Variants in PRAME observed in about 807,000 individuals in gnomAD.
The protein encoded by PRAME is melanoma antigen preferentially expressed in tumors.
PRAME carries 21 observed loss-of-function variants against 32.1 expected under a neutral mutation model. The observed-to-expected ratio is 0.65, with a 90% confidence interval of 0.46 to 0.94. The LOEUF (loss-of-function observed/expected upper bound fraction) is 0.94. Among genes scored for constraint, PRAME ranks in the 40% least tolerant of loss-of-function variants. The pLI, the probability that PRAME is intolerant of heterozygous loss-of-function variation, is 0.00. For synonymous variants in PRAME, 274 were observed against 251.5 expected (o/e 1.09, Z -0.85); for missense variants, 651 against 622.3 (o/e 1.05, Z -0.49).
intron 3 of PRAME, among the ~76,000 whole-genome samples, chr22:22,553,406 A>C (rs2062716826): frequency 1.3e-5 from 2 of 151,998 alleles, no homozygotes; most frequent in African/African-American, 4.8e-5. Flanking sequence ...GGCATTTGTA[A>C]TGGGACTGAG....
At position 22,557,713 on chromosome 22, in the gene PRAME, C is replaced by A. The variant is rs4822124; in HGVS notation, c.-113-133G>T. 0.56 allele frequency: 51,353 copies of A among 91,392 alleles called. 14,732 individuals are homozygous for A. Among genetic ancestry groups the A allele is most frequent in the East Asian group, 0.71 (1,871 of 2,628 alleles). 5.7% of individuals were successfully genotyped at this position (91,392 alleles called of 1,614,324 possible). ...TCCCCGTTTCTCAGTCCTTCCAGGG[C>A]AAAATCTCACGAGATCCAGTGAGGT... On this transcript the variant is annotated intron_variant, in intron 1 of 5. Transcript: ENST00000405655.
rs553930388 is a variant in PRAME at position 22,549,598 on chromosome 22, G to A, written c.953+128C>T. The A allele has an allele frequency of 4.0e-4, 494 of 1,227,222 alleles. 2 individuals are homozygous for A. The highest frequency in any genetic ancestry group is 4.0e-3 in the Middle Eastern group (14 of 3,488). The allele number at this position is 1,227,222 out of a possible 1,614,324, so 76.0% of individuals were successfully genotyped here. ...GCTTGGGGACAGTGGTGAACAAGAC[G>A]TGTTAACTGGTAGTGACTTGCTCAC... On this transcript the variant is annotated intron_variant, in intron 5 of 5. Coordinates refer to ENST00000405655, the MANE Select transcript of PRAME (RefSeq NM_206956.3).
At position 22,547,949 on chromosome 22, in the gene PRAME, CCTCA is replaced by C. The variant is rs1405537357; in HGVS notation, c.*114_*117del. The stretch of plus-strand genomic sequence containing the variant: ...GTTTTTTCCTCACTGAACATGTTTT[CCTCA>C]CTCACACTGAACATTTGTCTGAAAC... On this transcript the variant is annotated 3_prime_UTR_variant, in exon 6 of 6. Coordinates refer to ENST00000405655, the MANE Select transcript of PRAME (RefSeq NM_206956.3). 3.6e-5 allele frequency: 41 copies of C among 1,127,300 alleles called. No individual in the cohort carries two copies. The highest frequency in any genetic ancestry group is 5.2e-5 in the Non-Finnish European group (41 of 785,136). The allele number at this position is 1,127,300 out of a possible 1,614,324, so 69.8% of individuals were successfully genotyped here. A position where few individuals can be genotyped will look rare whatever the true frequency, so the allele number is the denominator to read the frequency against.
intron 3 of PRAME, among the ~76,000 whole-genome samples, chr22:22,553,244 T>G (rs1414143414): frequency 6.6e-6 from 1 of 151,896 alleles, no homozygotes; most frequent in African/African-American, 2.4e-5. Context: ...TACCCCATGT[T>G]CCCTAACACA....
At chr22:22,549,614 A>C (rs2062448207) in intron 5 of PRAME, 112 bp downstream of exon 5, 1 of 1,362,510 alleles carries the variant, frequency 7.3e-7, no homozygotes, top group Admixed American at 2.8e-5. Flanking sequence ...ACTGGTAGTG[A>C]CTTGCTCACT....
rs2062353162 is a variant in PRAME at position 22,548,189 on chromosome 22, A to C, written c.1408T>G (p.Leu470Val). 1 of 1,613,404 alleles carries C rather than the reference A, an allele frequency of 6.2e-7. No individual in the cohort carries two copies. The highest frequency in any genetic ancestry group is 1.7e-4 in the Middle Eastern group (1 of 6,054). The change falls in exon 6 of 6, where the codon TTG becomes GTG. Residue 470 changes from leucine (L) to valine (V), a missense_variant. Transcript: ENST00000405655. The part of the protein sequence containing the change: ...LAYLHARLRE[L>V]LCELGRPSMV... Reference sequence around the variant, plus strand: ...CTGGGCCGCCCCAACTCACACAGCAACTCCCTGAGCCTGGCATGCAGATAG... The same window carrying C: ...CTGGGCCGCCCCAACTCACACAGCACCTCCCTGAGCCTGGCATGCAGATAG...
chr22:22,559,142 T>C lies in PRAME; in HGVS notation c.-285A>G, dbSNP rs2063179420. The stretch of plus-strand genomic sequence containing the variant: ...AGGACTCCGCCCTGCTTTCCCTACA[T>C]TCAGGGCTGCTCCTTTTGTCGCCAA... On this transcript the variant is annotated 5_prime_UTR_variant, in exon 1 of 6. It removes an upstream start codon present in the reference 5' UTR. Transcript: ENST00000405655. The C allele has an allele frequency of 4.1e-6, 1 of 241,174 alleles. No homozygotes were observed. The highest frequency in any genetic ancestry group is 8.1e-6 in the Non-Finnish European group (1 of 123,210). 14.9% of individuals were successfully genotyped at this position (241,174 alleles called of 1,614,324 possible).
intron 3 of PRAME, among the ~76,000 whole-genome samples, chr22:22,553,198 C>A (rs967356462): frequency 1.3e-5 from 2 of 151,946 alleles, no homozygotes; most frequent in African/African-American, 4.8e-5. Flanking sequence ...CCCCTTCCCA[C>A]TCCCAAACAA....
chr22:22,550,212 G>A lies in PRAME; in HGVS notation c.467C>T (p.Thr156Ile), dbSNP rs1456840002. ...CAAACCATCTACTTTTCGCTTCTTTGTCATGGGCTGAGCTGCTTCTGGCTC... is the reference window on the plus strand; with the variant it reads ...CAAACCATCTACTTTTCGCTTCTTTATCATGGGCTGAGCTGCTTCTGGCTC... The part of the protein sequence containing the change: ...FPEPEAAQPM[T>I]KKRKVDGLST... Residue 156 changes from threonine to isoleucine, a missense_variant, in exon 5 of 6, where the codon ACA (threonine) becomes ATA (isoleucine). Physicochemically the swap from Thr to Ile is moderately conservative, Grantham distance 89 (BLOSUM62 -1). Coordinates refer to ENST00000405655, the MANE Select transcript of PRAME (RefSeq NM_206956.3). 2 of 1,613,806 alleles carry A rather than the reference G, an allele frequency of 1.2e-6. No homozygotes were observed. Among genetic ancestry groups the A allele is most frequent in the Non-Finnish European group, 1.7e-6 (2 of 1,179,966 alleles).
chr22:22,547,813 T>C lies in PRAME; in HGVS notation c.*254A>G, dbSNP rs957775877. 1.9e-6 allele frequency: 1 copy of C among 524,538 alleles called. No homozygotes were observed. Among genetic ancestry groups the C allele is most frequent in the Admixed American group, 3.6e-5 (1 of 27,580 alleles). 32.5% of individuals were successfully genotyped at this position (524,538 alleles called of 1,614,324 possible). ...AATCTCCCTTTAGAAATTCAGATTC[T>C]ATTTCTAACTCTATAAGATGTATCT... On this transcript the variant is annotated 3_prime_UTR_variant, in exon 6 of 6. Coordinates refer to ENST00000405655, the MANE Select transcript of PRAME (RefSeq NM_206956.3).
rs1569215893 is a variant in PRAME at position 22,549,822 on chromosome 22, G to GCTAT, written c.856_857insATAG (p.Ala286AspfsTer26). On this transcript the variant is annotated frameshift_variant, in exon 5 of 6. Coordinates refer to ENST00000405655, the MANE Select transcript of PRAME (RefSeq NM_206956.3). LOFTEE classifies it high-confidence loss of function. The stretch of plus-strand genomic sequence containing the variant: ...ACTGAGGAACTGAGAGGTGAACTGG[G>GCTAT]CGATATACTGCTCTTCCTTCTCCGG... 3.1e-6 allele frequency: 5 copies of GCTAT among 1,613,810 alleles called. No homozygotes were observed. Among genetic ancestry groups the GCTAT allele is most frequent in the Non-Finnish European group, 4.2e-6 (5 of 1,179,950 alleles).
intron 5 of PRAME, 37 bp downstream of exon 5, chr22:22,549,689 T>C (rs764059446): frequency 1.3e-6 from 2 of 1,549,010 alleles, no homozygotes; most frequent in East Asian, 4.5e-5. Flanking sequence ...AAGGAAGGGC[T>C]TGCTCTGGTC....
chr22:22,551,020 C>G lies in PRAME; in HGVS notation c.91G>C (p.Gly31Arg), dbSNP rs1379017967. 2 of 1,611,746 alleles carry G rather than the reference C, an allele frequency of 1.2e-6. No homozygotes were observed. The highest frequency in any genetic ancestry group is 2.7e-5 in the African/African-American group (2 of 74,830). ...TSPRRLVELA[G>R]QSLLKDEALA... ...GCCTCATCCTTCAGCAGGCTCTGCC[C>G]TGCCAGCTCCACAAGTCTCCGTGGG... Residue 31 changes from glycine (G) to arginine (R), a missense_variant, in exon 4 of 6, where the codon GGG (glycine) becomes CGG (arginine). By Grantham distance (125) the Gly-to-Arg change is moderately radical (BLOSUM62 -2). Coordinates refer to ENST00000405655, the MANE Select transcript of PRAME (RefSeq NM_206956.3).
intron 3 of PRAME, chr22:22,553,961 A>G (rs1202423280): frequency 1.7e-5 from 17 of 985,064 alleles, no homozygotes; most frequent in Non-Finnish European, 1.9e-5. Flanking sequence ...ACACTTCAAG[A>G]AAACAGCTGT....
Position 22,548,151 on chromosome 22 carries a change from A to G in PRAME, c.1446T>C (p.Leu482=), listed in dbSNP as rs1273969500. 1 of 1,613,832 alleles carries G rather than the reference A, an allele frequency of 6.2e-7. No homozygotes were observed. Among genetic ancestry groups the G allele is most frequent in the Non-Finnish European group, 8.5e-7 (1 of 1,179,960 alleles). The change falls in exon 6 of 6, where the codon CTT becomes CTC. Residue 482 remains leucine, a synonymous_variant. Transcript: ENST00000405655. ...CELGRPSMVW[L]SANPCPHCGD... is the part of the protein sequence containing the mutation. ...CACAGTGAGGACAGGGGTTGGCACT[A>G]AGCCAGACCATGCTGGGCCGCCCCA... is the stretch of plus-strand genomic sequence containing the variant.
chr22:22,548,767 C>T, intron 5 of PRAME, 124 bp from the exon 6 acceptor site: 1 of 880,682 alleles, frequency 1.1e-6, no homozygotes. Context: ...GGATGCCATG[C>T]TGTAACGGAG....
chr22:22,556,689 GCTC>G, intron 3 of PRAME, 120 bp downstream of exon 3: 1 of 1,158,372 alleles, frequency 8.6e-7, no homozygotes, highest in Non-Finnish European at 1.3e-6. Flanking sequence ...AATAAAAGCG[GCTC>G]CTGCCTCTTC....
At chr22:22,549,678 TAAGG>T in intron 5 of PRAME, 44 bp downstream of exon 5, 1 of 1,532,772 alleles carries the variant, frequency 6.5e-7, no homozygotes. Context: ...TTTACTGCAA[TAAGG>T]AAGGGCTTGC....
At position 22,549,665 on chromosome 22, in the gene PRAME, T is replaced by C. The variant is rs1265885421; in HGVS notation, c.953+61A>G. 3.3e-6 allele frequency: 5 copies of C among 1,519,176 alleles called. No individual in the cohort carries two copies. In the Admixed American group the frequency reaches 1.1e-4, roughly 35 times the overall value. The allele number at this position is 1,519,176 out of a possible 1,614,324, so 94.1% of individuals were successfully genotyped here. A position where few individuals can be genotyped will look rare whatever the true frequency, so the allele number is the denominator to read the frequency against. On this transcript the variant is annotated intron_variant, in intron 5 of 5. Transcript: ENST00000405655. ...GCTGGCACATACAAGATATCCTTTA[T>C]TGTTTACTGCAATAAGGAAGGGCTT...
Sources: allele counts gnomAD v4.1 joint callset (sites outside exome capture counted in the v4.1 genomes callset), GRCh38; gene constraint gnomAD v4.1.1; transcripts MANE v1.5; gene names NCBI Gene and HGNC (gene_info 2026-07-23, HGNC 2026-07-21).